The following KCNMA1 variants were observed in gnomAD, a reference collection of about 807,000 sequenced individuals.
KCNMA1 encodes potassium calcium-activated channel subfamily M alpha 1, also known as Calcium-activated potassium channel subunit alpha-1.
KCNMA1 carries 29 observed loss-of-function variants against 140.0 expected under a neutral mutation model. That is an observed-to-expected ratio of 0.21 (90% confidence interval 0.15 to 0.28). The LOEUF (loss-of-function observed/expected upper bound fraction) is 0.28. Among genes scored for constraint, KCNMA1 ranks in the 10% least tolerant of loss-of-function variants. The probability of loss-of-function intolerance (pLI) is 1.00; values close to 1 mark genes in which losing one functional copy is unlikely to be tolerated. For synonymous variants in KCNMA1, 612 were observed against 611.9 expected, an observed-to-expected ratio of 1.00 and a Z score of 0.00; for missense variants, 880 against 1,602.2, an observed-to-expected ratio of 0.55 and a Z score of 7.70.
chr10:77,384,901 C>G (rs1287682336), intron 2 of KCNMA1, among the ~76,000 whole-genome samples: 1 of 152,198 alleles, frequency 6.6e-6, no homozygotes, highest in Non-Finnish European at 1.5e-5. Flanking sequence ...ACCATGGTAA[C>G]ATGAAAACAG....
intron 2 of KCNMA1, among the ~76,000 whole-genome samples, chr10:77,291,763 C>T (rs1255730269): frequency 2.0e-5 from 3 of 152,176 alleles, no homozygotes; most frequent in African/African-American, 7.2e-5. Context: ...TTTCAAGTGC[C>T]TCATATGTGC....
intron 1 of KCNMA1, among the ~76,000 whole-genome samples, chr10:77,558,520 A>G (rs1255871744): frequency 6.6e-6 from 1 of 152,156 alleles, no homozygotes; most frequent in Non-Finnish European, 1.5e-5. Context: ...CCAGGGAAAA[A>G]GACCACAGCT....
intron 19 of KCNMA1, among the ~76,000 whole-genome samples, chr10:76,984,292 T>A (rs1304466732): frequency 6.6e-6 from 1 of 151,898 alleles, no homozygotes; most frequent in Non-Finnish European, 1.5e-5. Flanking sequence ...AACCTCTACC[T>A]CCCAGTTCAA....
intron 20 of KCNMA1, among the ~76,000 whole-genome samples, chr10:76,963,585 G>T (rs1388601664): frequency 6.6e-6 from 1 of 152,102 alleles, no homozygotes; most frequent in Non-Finnish European, 1.5e-5. Flanking sequence ...ATTGAAGGAG[G>T]CGCCTCACAT....
At chr10:77,405,771 G>T (rs1291118920) in intron 1 of KCNMA1, among the ~76,000 whole-genome samples, 1 of 152,210 alleles carries the variant, frequency 6.6e-6, no homozygotes, top group East Asian at 1.9e-4. Context: ...TTTGGAGTAA[G>T]GGGAAGAACC....
intron 20 of KCNMA1, among the ~76,000 whole-genome samples, chr10:76,957,440 T>G (rs1328233063): frequency 6.6e-6 from 1 of 152,130 alleles, no homozygotes; most frequent in African/African-American, 2.4e-5. Context: ...CTAAGAATGA[T>G]CCATGAGATT....
intron 2 of KCNMA1, among the ~76,000 whole-genome samples, chr10:77,353,732 C>T (rs986940224): frequency 6.6e-6 from 1 of 152,120 alleles, no homozygotes; most frequent in African/African-American, 2.4e-5. Flanking sequence ...GATAAAGTGA[C>T]AGCCACCATC....
intron 1 of KCNMA1, among the ~76,000 whole-genome samples, chr10:77,409,535 G>A (rs1175851276): frequency 1.3e-5 from 2 of 152,198 alleles, no homozygotes; most frequent in Non-Finnish European, 2.9e-5. Flanking sequence ...GGAACCTGGA[G>A]TTCAGGGTGT....
chr10:77,049,043 C>T (rs1159723496), intron 14 of KCNMA1, among the ~76,000 whole-genome samples: 3 of 152,148 alleles, frequency 2.0e-5, no homozygotes, highest in African/African-American at 7.2e-5. Context: ...AGATTACAGA[C>T]GTGAGCCACC....
At chr10:77,303,268 G>A (rs544939550) in intron 2 of KCNMA1, among the ~76,000 whole-genome samples, 77 of 152,174 alleles carry the variant, frequency 5.1e-4, no homozygotes, top group African/African-American at 1.8e-3. Flanking sequence ...TACATGTCTT[G>A]TATAGTCCTT....
At chr10:77,342,234 C>T (rs1421651144) in intron 2 of KCNMA1, among the ~76,000 whole-genome samples, 1 of 152,178 alleles carries the variant, frequency 6.6e-6, no homozygotes, top group African/African-American at 2.4e-5. Flanking sequence ...ATAACAGCAA[C>T]AGCAAAATAA....
intron 1 of KCNMA1, among the ~76,000 whole-genome samples, chr10:77,439,010 AG>A (rs1256967209): frequency 2.1e-5 from 3 of 144,352 alleles, no homozygotes; most frequent in Non-Finnish European, 4.6e-5. Context: ...CGGGAGGCCG[AG>A]GCCGAGCCCA....
chr10:77,341,555 G>C (rs1473372155), intron 2 of KCNMA1, among the ~76,000 whole-genome samples: 1 of 152,164 alleles, frequency 6.6e-6, no homozygotes, highest in African/African-American at 2.4e-5. Flanking sequence ...GCCCTTCCCA[G>C]GCTCTCAGTC....
intron 22 of KCNMA1, among the ~76,000 whole-genome samples, chr10:76,946,399 A>G (rs1343596953): frequency 6.6e-6 from 1 of 152,212 alleles, no homozygotes; most frequent in Non-Finnish European, 1.5e-5. Context: ...CAACTGTCAC[A>G]TATCTGGGAA....
chr10:76,920,283 GAACCC>G (rs2055168062), intron 23 of KCNMA1, among the ~76,000 whole-genome samples: 4 of 151,556 alleles, frequency 2.6e-5, no homozygotes, highest in African/African-American at 9.7e-5. Flanking sequence ...GGCTGAACTA[GAACCC>G]AAAGAAAAAA....
intron 1 of KCNMA1, among the ~76,000 whole-genome samples, chr10:77,442,253 T>C (rs1405894762): frequency 6.6e-6 from 1 of 152,130 alleles, no homozygotes; most frequent in Non-Finnish European, 1.5e-5. Context: ...CCTGGAGGAA[T>C]GGACTCCTCT....
At chr10:77,352,644 G>A in intron 2 of KCNMA1, among the ~76,000 whole-genome samples, 1 of 151,640 alleles carries the variant, frequency 6.6e-6, no homozygotes, top group South Asian at 2.1e-4. Flanking sequence ...GTGTGTGTGT[G>A]TGTGTTTGTG....
intron 2 of KCNMA1, among the ~76,000 whole-genome samples, chr10:77,302,117 G>A (rs1352069651): frequency 2.0e-5 from 3 of 152,024 alleles, no homozygotes; most frequent in Admixed American, 2.0e-4. Flanking sequence ...ATTAGAATCA[G>A]GCTCGCATAA....
intron 27 of KCNMA1, 105 bp from the exon 28 acceptor site, chr10:76,887,620 G>C: frequency 3.1e-6 from 4 of 1,272,904 alleles, no homozygotes; most frequent in Non-Finnish European, 4.6e-6. Flanking sequence ...ACTTTCAGAG[G>C]ATCTGGAAGA....
Sources: gnomAD v4.1 joint callset for allele counts (sites outside exome capture counted in the v4.1 genomes callset) on GRCh38, gnomAD v4.1.1 for gene constraint, MANE v1.5 for transcripts, NCBI Gene and HGNC (gene_info 2026-07-23, HGNC 2026-07-21) for gene names.